Variants in ATP13A5 observed in about 807,000 individuals in gnomAD.
The protein encoded by ATP13A5 is ATPase 13A5, also known as probable cation-transporting ATPase 13A5.
In ATP13A5, 149 loss-of-function variants were observed where a neutral mutation model predicts 150.2. That is an observed-to-expected ratio of 0.99 (90% CI 0.87 to 1.14). The LOEUF (loss-of-function observed/expected upper bound fraction) is 1.14, where lower values mean the gene tolerates loss of function less well. Ranked by LOEUF, ATP13A5 falls within the 50% of genes most tolerant of loss-of-function variation. The pLI, the probability that ATP13A5 is intolerant of heterozygous loss-of-function variation, is 0.00. For missense variants in ATP13A5, 1,383 were observed against 1,449.3 expected (o/e 0.95, Z 0.74); for synonymous variants, 497 against 522.2 (o/e 0.95, Z 0.66).
chr3:193,298,983 T>A, intron 25 of ATP13A5, 148 bp downstream of exon 25: 1 of 606,228 alleles, frequency 1.6e-6, no homozygotes, highest in Non-Finnish European at 2.8e-6. Flanking sequence ...ACTCTCAACT[T>A]ACTCCCAATA....
chr3:193,299,586 G>A (rs1718323231), intron 24 of ATP13A5, among the ~76,000 whole-genome samples: 1 of 152,074 alleles, frequency 6.6e-6, no homozygotes, highest in Non-Finnish European at 1.5e-5. Context: ...CATTCAATAG[G>A]CATTGCTCTC....
intron 1 of ATP13A5, among the ~76,000 whole-genome samples, chr3:193,376,340 A>C (rs1713642408): frequency 6.6e-6 from 1 of 152,146 alleles, no homozygotes; most frequent in African/African-American, 2.4e-5. Context: ...CTGTGCCCTC[A>C]CATGGTAGAA....
chr3:193,319,051 A>G lies in ATP13A5; in HGVS notation c.1973T>C (p.Ile658Thr). The G allele has an allele frequency of 1.9e-6, 3 of 1,613,996 alleles. No individual in the cohort carries two copies. Among genetic ancestry groups the G allele is most frequent in the Non-Finnish European group, 2.5e-6 (3 of 1,179,882 alleles). The change falls in exon 17 of 30, where the codon ATT (isoleucine) becomes ACT (threonine). Residue 658 changes from isoleucine (I) to threonine (T), a missense_variant. Physicochemically the swap from Ile to Thr is moderately conservative, Grantham distance 89 (BLOSUM62 -1). This residue lies in a region of ATP13A5 where 28 missense variants were observed against 55.9 expected (regional missense o/e 0.50). Transcript: ENST00000342358. ...CTTTAAGGTTTTGTGGGCAAGAGCA[A>G]TGACACGGAAGCCTTGCACCGTGTA... is the stretch of plus-strand genomic sequence containing the variant. ...RSYTVQGFRV[I>T]ALAHKTLKMG...
chr3:193,298,934 T>C (rs994948168), intron 25 of ATP13A5, among the ~76,000 whole-genome samples, 197 bp downstream of exon 25: 2 of 152,158 alleles, frequency 1.3e-5, no homozygotes, highest in Admixed American at 6.6e-5. Context: ...AAGACCTATT[T>C]GTTGTCAGAA....
intron 25 of ATP13A5, among the ~76,000 whole-genome samples, chr3:193,291,242 A>G (rs1394892452): frequency 2.0e-5 from 3 of 152,116 alleles, no homozygotes; most frequent in African/African-American, 7.2e-5. Context: ...GTCTTTACCT[A>G]TACCAGATCA....
At chr3:193,306,937 A>C (rs528595532) in intron 22 of ATP13A5, among the ~76,000 whole-genome samples, 1 of 152,300 alleles carries the variant, frequency 6.6e-6, no homozygotes, top group African/African-American at 2.4e-5. Context: ...ATCAGTTTCA[A>C]ACTTCGTTTC....
chr3:193,298,640 A>T lies in ATP13A5; in HGVS notation c.2848+491T>A, dbSNP rs113591251. Among the ~76,000 whole-genome samples the T allele has an allele frequency of 8.3e-3, 1,262 of 152,258 alleles. 18 individuals carry two copies. The highest frequency in any genetic ancestry group is 0.029 in the African/African-American group (1,186 of 41,560). On this transcript the variant is annotated intron_variant, in intron 25 of 29. Coordinates refer to ENST00000342358, the MANE Select transcript of ATP13A5 (RefSeq NM_198505.4). ...AGTCCTGAGCTCCTTGATAGGAAAT[A>T]CTTTACCAGTGTCATCTCAAAGGAA...
intron 26 of ATP13A5, among the ~76,000 whole-genome samples, chr3:193,286,277 G>A (rs1385319509): frequency 6.6e-6 from 1 of 151,782 alleles, no homozygotes; most frequent in Non-Finnish European, 1.5e-5. Flanking sequence ...ATTATCCTGG[G>A]CTCCCTGTAG....
intron 26 of ATP13A5, among the ~76,000 whole-genome samples, chr3:193,289,028 C>T (rs1717837190): frequency 6.6e-6 from 1 of 152,056 alleles, no homozygotes; most frequent in African/African-American, 2.4e-5. Context: ...TTCTATATTC[C>T]TAGTTATACT....
chr3:193,354,344 A>T, intron 5 of ATP13A5, 148 bp from the exon 6 acceptor site: 2 of 653,558 alleles, frequency 3.1e-6, no homozygotes, highest in Non-Finnish European at 5.1e-6. Context: ...TTGAAACGTA[A>T]TTCTAAACTA....
Position 193,326,993 on chromosome 3 carries a change from T to C in ATP13A5, c.1523+3A>G. 1 of 1,613,700 alleles carries C rather than the reference T, an allele frequency of 6.2e-7. No homozygotes were observed. Among genetic ancestry groups the C allele is most frequent in the Non-Finnish European group, 8.5e-7 (1 of 1,179,690 alleles). On this transcript the variant is annotated splice_donor_region_variant and intron_variant, in intron 13 of 29. Coordinates refer to ENST00000342358, the MANE Select transcript of ATP13A5 (RefSeq NM_198505.4). The stretch of plus-strand genomic sequence containing the variant: ...ACCTTCCATTTTCACATAAGAGGCC[T>C]ACCAGTTGTCAGCAGTAGGGACAGT...
At chr3:193,312,482 C>A (rs1267841788) in intron 19 of ATP13A5, among the ~76,000 whole-genome samples, 1 of 152,196 alleles carries the variant, frequency 6.6e-6, no homozygotes, top group Non-Finnish European at 1.5e-5. Context: ...TACTCTACAT[C>A]CCACTGCAGG....
intron 10 of ATP13A5, among the ~76,000 whole-genome samples, 168 bp from the exon 11 acceptor site, chr3:193,334,075 T>C (rs1341562345): frequency 6.6e-6 from 1 of 152,206 alleles, no homozygotes; most frequent in Non-Finnish European, 1.5e-5. Flanking sequence ...TGAGCTTCCA[T>C]GTAGGCCACA....
At chr3:193,364,692 T>C (rs912103966) in intron 1 of ATP13A5, among the ~76,000 whole-genome samples, 5 of 152,092 alleles carry the variant, frequency 3.3e-5, no homozygotes, top group African/African-American at 7.2e-5. Context: ...AGGAAGATGA[T>C]AAAATCATGA....
intron 1 of ATP13A5, among the ~76,000 whole-genome samples, chr3:193,366,805 G>A (rs1713257115): frequency 6.6e-6 from 1 of 151,944 alleles, no homozygotes; most frequent in Admixed American, 6.6e-5. Flanking sequence ...TAGTTTTCAA[G>A]TACACATAGA....
intron 14 of ATP13A5, 129 bp downstream of exon 14, chr3:193,324,735 G>T: frequency 4.0e-6 from 4 of 991,476 alleles, no homozygotes; most frequent in East Asian, 2.5e-5. Context: ...GGAAGTTCTG[G>T]TAGTGTTACA....
intron 1 of ATP13A5, among the ~76,000 whole-genome samples, chr3:193,365,544 T>C (rs1395721455): frequency 6.6e-6 from 1 of 152,162 alleles, no homozygotes; most frequent in Non-Finnish European, 1.5e-5. Context: ...TTTAGTTTTA[T>C]TTGTGAATTA....
chr3:193,358,659 T>C (rs1471188348), intron 5 of ATP13A5, among the ~76,000 whole-genome samples: 1 of 152,252 alleles, frequency 6.6e-6, no homozygotes, highest in African/African-American at 2.4e-5. Flanking sequence ...TTTCTTTCAT[T>C]GCCTAAATTG....
Position 193,324,730 on chromosome 3 carries a change from T to A in ATP13A5, c.1674+134A>T, listed in dbSNP as rs1297823807. 3.1e-6 allele frequency: 3 copies of A among 954,768 alleles called. No homozygotes were observed. The African/African-American group carries it at 4.9e-5, about 16-fold the overall frequency. 59.1% of individuals were successfully genotyped at this position (954,768 alleles called of 1,614,324 possible). On this transcript the variant is annotated intron_variant, in intron 14 of 29. Transcript: ENST00000342358. ...TTCTTTGGGGGCACAGGTTGGGAAGTTCTGGTAGTGTTACACGCTTATACA... is the reference window on the plus strand; with the variant it reads ...TTCTTTGGGGGCACAGGTTGGGAAGATCTGGTAGTGTTACACGCTTATACA...
Sources: allele counts gnomAD v4.1 joint callset (sites outside exome capture counted in the v4.1 genomes callset), GRCh38; gene constraint gnomAD v4.1.1; regional missense constraint gnomAD v4.1.1; transcripts MANE v1.5; gene names NCBI Gene and HGNC (gene_info 2026-07-23, HGNC 2026-07-21).